The following KRT32 variants were observed in gnomAD, a reference collection of about 807,000 sequenced individuals.
KRT32 encodes the protein keratin 32, also known as keratin, type I cuticular Ha2.
In KRT32, 44 loss-of-function variants were observed where a neutral mutation model predicts 41.8. That is an observed-to-expected ratio of 1.05 (90% CI 0.83 to 1.35). The LOEUF is 1.35. KRT32 is among the 40% of genes most tolerant of loss of function. KRT32 has a pLI of 0.00. For synonymous variants in KRT32, 238 were observed against 242.5 expected, an observed-to-expected ratio of 0.98 and a Z score of 0.17; for missense variants, 576 against 584.6, an observed-to-expected ratio of 0.99 and a Z score of 0.15.
intron 1 of KRT32, 122 bp from the exon 2 acceptor site, chr17:41,466,298 G>A: frequency 1.4e-6 from 1 of 692,198 alleles, no homozygotes; most frequent in Non-Finnish European, 2.4e-6. Flanking sequence ...CCTGCAGAAG[G>A]TCCTCTTCCC....
intron 6 of KRT32, among the ~76,000 whole-genome samples, chr17:41,462,003 C>T (rs2019005303): frequency 6.6e-6 from 1 of 152,188 alleles, no homozygotes; most frequent in African/African-American, 2.4e-5. Flanking sequence ...GGACAGTTTC[C>T]CTGCCTGGTT....
chr17:41,462,401 C>T (rs2019009833), intron 6 of KRT32, among the ~76,000 whole-genome samples: 1 of 152,156 alleles, frequency 6.6e-6, no homozygotes, highest in African/African-American at 2.4e-5. Flanking sequence ...TGAGGTGAGG[C>T]TGGGGTAAGA....
chr17:41,464,311 T>G lies in KRT32; in HGVS notation c.841A>C (p.Arg281=), dbSNP rs1245022365. The G allele has an allele frequency of 6.2e-7, 1 of 1,608,548 alleles. No individual in the cohort carries two copies. The highest frequency in any genetic ancestry group is 1.1e-5 in the South Asian group (1 of 90,300). The stretch of plus-strand genomic sequence containing the variant: ...ATATTGAACCATTCCTCCACGTCCC[T>G]GCGGTTGGCCTCCACCATGGCCTCG... ...QYEAMVEANR[R]DVEEWFNMQM... is the part of the protein sequence containing the mutation. The change falls in exon 4 of 7, where the codon AGG becomes CGG. Residue 281 remains arginine, a synonymous_variant. Coordinates refer to ENST00000225899, the MANE Select transcript of KRT32 (RefSeq NM_002278.3).
rs187136639 is a variant in KRT32, at chr17:41,464,158, G to A, written c.916C>T (p.Gln306Ter). ...QQVATSSEQL[Q>*]NYQSDIIDLR... ...TCAATGATGTCTGACTGGTAGTTCT[G>A]AAGCTGCTCAGAGCTTGTGGCCACC... Residue 306 changes from glutamine (Q) to a stop codon, truncating the protein, a stop_gained, in exon 5 of 7, where the codon CAG becomes TAG. Transcript: ENST00000225899. LOFTEE classifies it high-confidence loss of function. 5 of 1,612,912 alleles carry A rather than the reference G, an allele frequency of 3.1e-6. No individual in the cohort carries two copies. In the African/African-American group the frequency reaches 5.3e-5, roughly 17 times the overall value.
chr17:41,461,279 G>C (rs1222564786), intron 6 of KRT32, among the ~76,000 whole-genome samples: 4 of 152,136 alleles, frequency 2.6e-5, no homozygotes, highest in Non-Finnish European at 4.4e-5. Flanking sequence ...ACCTCACATA[G>C]AATAGGCACC....
Position 41,462,934 on chromosome 17 carries a change from G to T in KRT32, c.1113C>A (p.Asp371Glu). Residue 371 changes from aspartate to glutamate, a missense_variant, in exon 6 of 7, where the codon GAC (aspartate) becomes GAA (glutamate). Asp to Glu is a conservative substitution (Grantham distance 45). Transcript: ENST00000225899. ...GGTACTCCTGGTTCTGCCGCTCCAGGTCAGCCCGGATCTCAGCCAGCTGGG... is the reference window on the plus strand; with the variant it reads ...GGTACTCCTGGTTCTGCCGCTCCAGTTCAGCCCGGATCTCAGCCAGCTGGG... Reference protein sequence around the residue: ...VEAQLAEIRADLERQNQEYQV... With the variant: ...VEAQLAEIRAELERQNQEYQV... 1 of 1,614,060 alleles carries T rather than the reference G, an allele frequency of 6.2e-7. No individual in the cohort carries two copies. The highest frequency in any genetic ancestry group is 8.5e-7 in the Non-Finnish European group (1 of 1,179,994).
In KRT32 at chr17:41,465,889, C is replaced by T. The variant is rs766726111; in HGVS notation, c.592G>A (p.Asp198Asn). 8.1e-6 allele frequency: 13 copies of T among 1,613,830 alleles called. No homozygotes were observed. The highest frequency in any genetic ancestry group is 3.3e-5 in the South Asian group (3 of 91,072). The change falls in exon 3 of 7, where the codon GAC becomes AAC. Residue 198 changes from aspartate to asparagine, a missense_variant. Asp to Asn is a conservative substitution (Grantham distance 23). Transcript: ENST00000225899. ...ELAMRQLVEADINGLRRILDD... is the reference protein window; with the variant it reads ...ELAMRQLVEANINGLRRILDD... ...AGGATCCTGCGCAGGCCATTGATGT[C>T]GGCCTCCACCAGCTGCCGCATGGCC...
intron 3 of KRT32, 63 bp from the exon 4 acceptor site, chr17:41,464,506 G>A: frequency 6.9e-7 from 1 of 1,444,160 alleles, no homozygotes; most frequent in Non-Finnish European, 9.2e-7. Flanking sequence ...CACCTCCCCA[G>A]GGAGACATGA....
rs776243436 is a variant in KRT32 at position 41,466,960 on chromosome 17, C to T, written c.366G>A (p.Ala122=). The change falls in exon 1 of 7, where the codon GCG becomes GCA. Residue 122 remains alanine (A), a synonymous_variant. Transcript: ENST00000225899. The stretch of plus-strand genomic sequence containing the variant: ...CCTCTTGGATCCTGCTCTCCAGCTC[C>T]GCATTCTCCTGCTCCAGCTGCCGCA... The part of the protein sequence containing the change: ...TRVRQLEQEN[A]ELESRIQEAS... 109 of 1,614,104 alleles carry T rather than the reference C, an allele frequency of 6.8e-5. No individual in the cohort carries two copies. The highest frequency in any genetic ancestry group is 8.4e-5 in the Non-Finnish European group (99 of 1,180,048).
Position 41,462,890 on chromosome 17 carries a change from C to G in KRT32, c.1157G>C (p.Arg386Pro), listed in dbSNP as rs572300244. 1.3e-6 allele frequency: 2 copies of G among 1,591,498 alleles called. No individual in the cohort carries two copies. The highest frequency in any genetic ancestry group is 3.4e-5 in the Admixed American group (2 of 58,032). Residue 386 changes from arginine to proline, a missense_variant, in exon 6 of 7, where the codon CGG (arginine) becomes CCG (proline). Physicochemically the swap from Arg to Pro is moderately radical, Grantham distance 103 (BLOSUM62 -2). Coordinates refer to ENST00000225899, the MANE Select transcript of KRT32 (RefSeq NM_002278.3). Reference protein sequence around the residue: ...NQEYQVLLDVRARLEGEINTY... With the variant: ...NQEYQVLLDVPARLEGEINTY... Reference sequence around the variant, plus strand: ...GTTGATCTCGCCCTCCAGCCGGGCCCGGACGTCCAGCAGCACCTGGTACTC... The same window carrying G: ...GTTGATCTCGCCCTCCAGCCGGGCCGGGACGTCCAGCAGCACCTGGTACTC...
At chr17:41,463,963 G>A in intron 5 of KRT32, 115 bp downstream of exon 5, 2 of 1,083,800 alleles carry the variant, frequency 1.8e-6, no homozygotes, top group Admixed American at 3.0e-5. Context: ...TCAACAGGAT[G>A]AGCATCCATG....
chr17:41,463,025 G>T lies in KRT32; in HGVS notation c.1022C>A (p.Thr341Lys), dbSNP rs368676953. 4.3e-6 allele frequency: 7 copies of T among 1,613,714 alleles called. No individual in the cohort carries two copies. The highest frequency in any genetic ancestry group is 5.9e-6 in the Non-Finnish European group (7 of 1,179,702). ...GGAGCTGTAGCGGGCCTCACTCTCC[G>T]TCAGCGTGTTTTCCAGGGAGTCCCT... ...SLRDSLENTL[T>K]ESEARYSSQL... The change falls in exon 6 of 7, where the codon ACG becomes AAG. Residue 341 changes from threonine to lysine, a missense_variant. Coordinates refer to ENST00000225899, the MANE Select transcript of KRT32 (RefSeq NM_002278.3).
chr17:41,460,562 C>T (rs909169123), intron 6 of KRT32, among the ~76,000 whole-genome samples: 2 of 152,144 alleles, frequency 1.3e-5, no homozygotes, highest in Non-Finnish European at 2.9e-5. Context: ...AAGCAGCTTC[C>T]TCTGGAAGCC....
Position 41,460,060 on chromosome 17 carries a change from C to G in KRT32, c.*50G>C, listed in dbSNP as rs779061952. ...CTGCTCTTCTGGTGGCCACTGAATA[C>G]CAGGCTGCCCAGCCCCAGGCCCTCC... is the stretch of plus-strand genomic sequence containing the variant. On this transcript the variant is annotated 3_prime_UTR_variant, in exon 7 of 7. Coordinates refer to ENST00000225899, the MANE Select transcript of KRT32 (RefSeq NM_002278.3). 25 of 1,540,382 alleles carry G rather than the reference C, an allele frequency of 1.6e-5. No individual in the cohort carries two copies. The highest frequency in any genetic ancestry group is 2.2e-5 in the Non-Finnish European group (25 of 1,144,778).
At chr17:41,464,028 C>G in intron 5 of KRT32, 50 bp downstream of exon 5, 6 of 1,490,244 alleles carry the variant, frequency 4.0e-6, no homozygotes, top group Non-Finnish European at 5.4e-6. Flanking sequence ...CACCTATGCT[C>G]AGTACCGCCT....
At chr17:41,461,721 G>A (rs1567700748) in intron 6 of KRT32, among the ~76,000 whole-genome samples, 1 of 152,230 alleles carries the variant, frequency 6.6e-6, no homozygotes, top group Non-Finnish European at 1.5e-5. Flanking sequence ...CGTCATTCAT[G>A]CATGTTAATG....
At chr17:41,466,307 C>T in intron 1 of KRT32, 131 bp from the exon 2 acceptor site, 2 of 638,354 alleles carry the variant, frequency 3.1e-6, no homozygotes, top group South Asian at 2.0e-5. Flanking sequence ...GGTCCTCTTC[C>T]CTGGAACTCT....
chr17:41,464,402 G>A lies in KRT32; in HGVS notation c.750C>T (p.Asn250=). 1 of 1,594,820 alleles carries A rather than the reference G, an allele frequency of 6.3e-7. No individual in the cohort carries two copies. Among genetic ancestry groups the A allele is most frequent in the Non-Finnish European group, 8.5e-7 (1 of 1,171,266 alleles). Residue 250 remains asparagine, a synonymous_variant, in exon 4 of 7, where the codon AAC becomes AAT. Coordinates refer to ENST00000225899, the MANE Select transcript of KRT32 (RefSeq NM_002278.3). ...SLRCQLGDRL[N]IEVDAAPPVD... ...CCGGGGGTGCAGCGTCCACCTCGAT[G>A]TTAAGGCGGTCCCCAAGCTGGCATC...
rs775736018 is a variant in KRT32 at position 41,464,087 on chromosome 17, C to T, written c.987G>A (p.Gln329=). 11 of 1,598,006 alleles carry T rather than the reference C, an allele frequency of 6.9e-6. No homozygotes were observed. The highest frequency in any genetic ancestry group is 9.4e-6 in the Non-Finnish European group (11 of 1,171,936). The change falls in exon 5 of 7, where the codon CAG becomes CAA. Residue 329 remains glutamine, a synonymous_variant. Transcript: ENST00000225899. ...VNTLEIELQA[Q]HSLRDSLENT... ...ACCCAGCAGCTCTCACCAGGCTGTG[C>T]TGGGCCTGCAGCTCGATCTCCAGCG... is the stretch of plus-strand genomic sequence containing the variant.
Sources: gnomAD v4.1 joint callset for allele counts (sites outside exome capture counted in the v4.1 genomes callset) on GRCh38, gnomAD v4.1.1 for gene constraint, MANE v1.5 for transcripts, NCBI Gene and HGNC (gene_info 2026-07-23, HGNC 2026-07-21) for gene names.